SUPT3H: variants seen among roughly 807,000 people sequenced by gnomAD.
The protein encoded by SUPT3H is SPT3 homolog, SAGA and STAGA complex component, also known as transcription initiation protein SPT3 homolog.
A neutral mutation model predicts 44.3 loss-of-function variants in SUPT3H; 44 were observed. The ratio of observed to expected loss-of-function variants is 0.99; its 90% confidence interval spans 0.78 to 1.28. SUPT3H has a LOEUF of 1.28. SUPT3H is among the 50% of genes most tolerant of loss of function. The pLI is 0.00. For synonymous variants in SUPT3H, 124 were observed against 125.6 expected, an observed-to-expected ratio of 0.99 and a Z score of 0.09; for missense variants, 380 against 387.1, an observed-to-expected ratio of 0.98 and a Z score of 0.15.
At position 45,243,107 on chromosome 6, in the gene SUPT3H, T is replaced by C. The variant is rs1332093967; in HGVS notation, c.101+122094A>G. 2.0e-5 allele frequency among the ~76,000 whole-genome samples: 3 copies of C among 149,056 alleles called. No homozygotes were observed. In the East Asian group the frequency reaches 6.0e-4, roughly 30 times the overall value. ...TAGTCGGGAGGCTGCGGTGGGAGGA[T>C]TGCTTGAGACTGGGAGGCAGAGGTT... On this transcript the variant is annotated intron_variant, in intron 2 of 10. Transcript: ENST00000371459.
intron 2 of SUPT3H, among the ~76,000 whole-genome samples, chr6:45,265,239 C>A (rs1775060045): frequency 6.6e-6 from 1 of 152,086 alleles, no homozygotes; most frequent in Non-Finnish European, 1.5e-5. Flanking sequence ...CCGTACTAAA[C>A]ATAATTGAAA....
At chr6:44,996,708 C>T (rs962407920) in intron 6 of SUPT3H, among the ~76,000 whole-genome samples, 2 of 151,898 alleles carry the variant, frequency 1.3e-5, no homozygotes, top group Non-Finnish European at 2.9e-5. Flanking sequence ...TCTTGAGGAA[C>T]AGCATTTCTC....
At chr6:45,324,085 C>T (rs1785967171) in intron 2 of SUPT3H, among the ~76,000 whole-genome samples, 1 of 151,954 alleles carries the variant, frequency 6.6e-6, no homozygotes, top group African/African-American at 2.4e-5. Flanking sequence ...GAGCATGTTT[C>T]CCATATTTTC....
At chr6:45,004,546 G>A (rs955237688) in intron 5 of SUPT3H, among the ~76,000 whole-genome samples, 7 of 151,636 alleles carry the variant, frequency 4.6e-5, no homozygotes, top group African/African-American at 1.7e-4. Context: ...AAATCAAAAA[G>A]TTTTATAAAC....
intron 6 of SUPT3H, among the ~76,000 whole-genome samples, chr6:44,989,224 G>A (rs1780263645): frequency 6.6e-6 from 1 of 152,136 alleles, no homozygotes; most frequent in South Asian, 2.1e-4. Flanking sequence ...GTATAAGTGA[G>A]ATCATGTAGT....
At chr6:45,019,182 T>G (rs570984250) in intron 4 of SUPT3H, among the ~76,000 whole-genome samples, 6 of 152,166 alleles carry the variant, frequency 3.9e-5, no homozygotes, top group Non-Finnish European at 7.3e-5. Context: ...TTCTGTGGGA[T>G]TGGTGGTGAT....
chr6:45,060,518 T>G (rs909717032), intron 3 of SUPT3H, among the ~76,000 whole-genome samples: 5 of 151,864 alleles, frequency 3.3e-5, no homozygotes, highest in African/African-American at 1.2e-4. Context: ...AATAGCATTC[T>G]GGACACAGGC....
At chr6:45,123,374 C>CT (rs762550266) in intron 2 of SUPT3H, among the ~76,000 whole-genome samples, 7,766 of 142,714 alleles carry the variant, frequency 0.054, 311 homozygotes, top group South Asian at 0.09. Flanking sequence ...TCATTTATTT[C>CT]TTTTTTTTTT....
chr6:45,204,883 A>G (rs1762990245), intron 2 of SUPT3H, among the ~76,000 whole-genome samples: 1 of 152,070 alleles, frequency 6.6e-6, no homozygotes, highest in Non-Finnish European at 1.5e-5. Context: ...CATTCTCACT[A>G]TTGTCAGTTT....
At chr6:45,013,226 CTTTG>C (rs1299512366) in intron 5 of SUPT3H, among the ~76,000 whole-genome samples, 1 of 152,046 alleles carries the variant, frequency 6.6e-6, no homozygotes, top group Non-Finnish European at 1.5e-5. Flanking sequence ...CCCTTGTTTT[CTTTG>C]TTTAACATCT....
chr6:45,336,871 G>T (rs768048078), intron 2 of SUPT3H, among the ~76,000 whole-genome samples: 11 of 151,116 alleles, frequency 7.3e-5, no homozygotes, highest in Non-Finnish European at 1.2e-4. Flanking sequence ...TAATTTTTTT[G>T]ATCCAGAAAC....
At chr6:44,814,512 C>T (rs781740808) in intron 11 of SUPT3H, among the ~76,000 whole-genome samples, 3 of 152,110 alleles carry the variant, frequency 2.0e-5, no homozygotes, top group Non-Finnish European at 2.9e-5. Flanking sequence ...TGGGAGGCAG[C>T]GTGGATCTCT....
At chr6:45,348,889 A>G (rs544257531) in intron 2 of SUPT3H, among the ~76,000 whole-genome samples, 1 of 152,168 alleles carries the variant, frequency 6.6e-6, no homozygotes, top group East Asian at 1.9e-4. Flanking sequence ...CCATTACACT[A>G]TCTCATAGTA....
In SUPT3H at chr6:44,932,674, A is replaced by G. The variant is rs775432764; in HGVS notation, c.891T>C (p.Ile297=). ...GTACTGTGAATGGGGAAAGTGGGCC[A>G]ATCCTGTGGCTGTAGCGTCGAATGG... The part of the protein sequence containing the change: ...REAIRRYSHR[I]GPLSPFTNAY... The change falls in exon 10 of 11, where the codon ATT becomes ATC. Residue 297 remains isoleucine (I), a synonymous_variant. Coordinates refer to ENST00000371459, the MANE Select transcript of SUPT3H (RefSeq NM_003599.4). The G allele has an allele frequency of 4.3e-6, 7 of 1,610,808 alleles. No homozygotes were observed. In the East Asian group the frequency reaches 1.3e-4, roughly 31 times the overall value.
At chr6:45,275,577 G>A (rs1420903291) in intron 2 of SUPT3H, among the ~76,000 whole-genome samples, 1 of 152,162 alleles carries the variant, frequency 6.6e-6, no homozygotes, top group Non-Finnish European at 1.5e-5. Flanking sequence ...AATGTGAAAT[G>A]ACAGACTGAT....
intron 2 of SUPT3H, among the ~76,000 whole-genome samples, chr6:45,172,320 C>G (rs916541145): frequency 2.6e-5 from 4 of 151,950 alleles, no homozygotes; most frequent in East Asian, 1.9e-4. Context: ...ATCCGCCCCC[C>G]TCGGCCTCCC....
At chr6:45,359,683 C>T (rs1354590852) in intron 2 of SUPT3H, among the ~76,000 whole-genome samples, 1 of 152,072 alleles carries the variant, frequency 6.6e-6, no homozygotes, top group East Asian at 1.9e-4. Flanking sequence ...CTTTTGGTTA[C>T]TGATATGCCC....
intron 2 of SUPT3H, among the ~76,000 whole-genome samples, chr6:45,108,040 T>G (rs974242507): frequency 1.3e-5 from 2 of 152,176 alleles, no homozygotes; most frequent in African/African-American, 4.8e-5. Context: ...AGACCATATA[T>G]GAAAAACTCA....
rs1194423160 is a variant in SUPT3H, at chr6:45,130,712, CTT to C, written c.102-24708_102-24707del. Among the ~76,000 whole-genome samples the C allele has an allele frequency of 1.1e-4, 10 of 88,604 alleles. 1 individual carries two copies. Among genetic ancestry groups the C allele is most frequent in the South Asian group, 1.1e-3 (3 of 2,710 alleles). The allele number at this position is 88,604 out of a possible 152,430, so 58.1% of individuals were successfully genotyped here. ...AAAAAAAAAACAAAAAAAAAAACCA[CTT>C]TTTTTTTTTTTTTTTTTTTTCAGAT... On this transcript the variant is annotated intron_variant, in intron 2 of 10. Transcript: ENST00000371459.
Sources: allele counts gnomAD v4.1 joint callset (sites outside exome capture counted in the v4.1 genomes callset), GRCh38; gene constraint gnomAD v4.1.1; transcripts MANE v1.5; gene names NCBI Gene and HGNC (gene_info 2026-07-23, HGNC 2026-07-21).